Variants in ACSS1 observed in about 807,000 individuals in gnomAD.
ACSS1 encodes acyl-CoA synthetase short chain family member 1, also known as acetyl-coenzyme A synthetase 2-like, mitochondrial.
A neutral mutation model predicts 75.3 loss-of-function variants in ACSS1; 42 were observed. That is an observed-to-expected ratio of 0.56 (90% CI 0.44 to 0.72). The LOEUF (loss-of-function observed/expected upper bound fraction) is 0.72, where lower values mean the gene tolerates loss of function less well. ACSS1 is among the 30% of genes least tolerant of loss of function. The pLI is 0.00. For synonymous variants in ACSS1, 380 were observed against 376.8 expected (o/e 1.01, Z -0.10); for missense variants, 782 against 935.7 (o/e 0.84, Z 2.14).
At chr20:25,036,701 TC>T (rs1190080632) in intron 2 of ACSS1, among the ~76,000 whole-genome samples, 1 of 152,060 alleles carries the variant, frequency 6.6e-6, no homozygotes, top group African/African-American at 2.4e-5. Flanking sequence ...ACAGCTGTAA[TC>T]CCAGCATTTT....
chr20:25,045,959 T>C (rs1568848242), intron 2 of ACSS1: 1 of 152,216 alleles, frequency 6.6e-6, no homozygotes, highest in Non-Finnish European at 1.5e-5. Context: ...GGAGTCTGAC[T>C]CTGTCACCCA....
At chr20:25,030,035 G>C (rs988109425) in intron 3 of ACSS1, among the ~76,000 whole-genome samples, 29 of 152,196 alleles carry the variant, frequency 1.9e-4, no homozygotes, top group Non-Finnish European at 3.2e-4. Context: ...GGAAGCGGAA[G>C]GGCTTCCCAG....
At chr20:25,041,871 G>A (rs1460787675) in intron 2 of ACSS1, among the ~76,000 whole-genome samples, 2 of 152,218 alleles carry the variant, frequency 1.3e-5, no homozygotes, top group African/African-American at 2.4e-5. Flanking sequence ...AAAGGCCTTT[G>A]CACACTGGAG....
At chr20:25,040,627 A>G (rs192946636) in intron 2 of ACSS1, among the ~76,000 whole-genome samples, 3 of 152,366 alleles carry the variant, frequency 2.0e-5, no homozygotes, top group Admixed American at 2.0e-4. Context: ...GCCAGTGATC[A>G]TGGTGCAAAT....
At chr20:25,028,925 A>G (rs75056459) in intron 3 of ACSS1, among the ~76,000 whole-genome samples, 7 of 149,948 alleles carry the variant, frequency 4.7e-5, no homozygotes, top group Non-Finnish European at 8.9e-5. Flanking sequence ...TCTCAAAAAG[A>G]AAAAAAAAAG....
At position 25,057,932 on chromosome 20, in the gene ACSS1, C is replaced by T; in HGVS notation, c.171G>A (p.Ser57=). Residue 57 remains serine (S), a synonymous_variant, in exon 1 of 14, where the codon TCG becomes TCA. Coordinates refer to ENST00000323482, the MANE Select transcript of ACSS1 (RefSeq NM_032501.4). ...CTGCCTGTGCACTCAGCGCGGGATA[C>T]GAGCCTGGCTGTGCTGCTGCTGCTG... ...AVAAAAAQPG[S]YPALSAQAAR... is the part of the protein sequence containing the mutation. The T allele has an allele frequency of 6.2e-7, 1 of 1,608,358 alleles. No individual in the cohort carries two copies.
intron 2 of ACSS1, among the ~76,000 whole-genome samples, chr20:25,033,013 T>C (rs1434628354): frequency 1.3e-5 from 2 of 152,198 alleles, no homozygotes; most frequent in Admixed American, 6.5e-5. Flanking sequence ...CCAAGGTTTA[T>C]GATAAAAGAC....
intron 5 of ACSS1, among the ~76,000 whole-genome samples, chr20:25,022,226 T>C (rs1358194538): frequency 1.3e-5 from 2 of 151,986 alleles, no homozygotes; most frequent in Non-Finnish European, 2.9e-5. Context: ...CAGGGTGTGG[T>C]GGCAGGTGCC....
In ACSS1 at chr20:25,007,254, T is replaced by TGTTTCCTC. The variant is rs2088324321; in HGVS notation, c.*507_*508insGAGGAAAC. ...GTAGAGGCAAAAAAGGAGATTTTCA[T>TGTTTCCTC]AACTACATGTTAAAAAGAACATGTT... On this transcript the variant is annotated 3_prime_UTR_variant, in exon 14 of 14. Transcript: ENST00000323482. 1 of 1,140,646 alleles carries TGTTTCCTC rather than the reference T, an allele frequency of 8.8e-7. No homozygotes were observed. Among genetic ancestry groups the TGTTTCCTC allele is most frequent in the Non-Finnish European group, 1.1e-6 (1 of 927,170 alleles). The allele number at this position is 1,140,646 out of a possible 1,614,324, so 70.7% of individuals were successfully genotyped here.
intron 2 of ACSS1, among the ~76,000 whole-genome samples, chr20:25,031,342 G>A (rs2088820910): frequency 6.6e-6 from 1 of 152,166 alleles, no homozygotes; most frequent in South Asian, 2.1e-4. Flanking sequence ...GATGTTTACA[G>A]CTGACGAAGT....
chr20:25,038,618 T>G (rs575774486), intron 2 of ACSS1, among the ~76,000 whole-genome samples: 41 of 152,256 alleles, frequency 2.7e-4, no homozygotes, highest in African/African-American at 9.9e-4. Flanking sequence ...TCAGGGCACA[T>G]GCACCTCAGC....
intron 2 of ACSS1, among the ~76,000 whole-genome samples, chr20:25,045,435 G>A (rs1044999843): frequency 4.6e-5 from 7 of 152,232 alleles, no homozygotes; most frequent in African/African-American, 1.7e-4. Flanking sequence ...GTCACGGTGG[G>A]GACCAGAGTC....
At chr20:25,023,209 G>T in intron 4 of ACSS1, 117 bp from the exon 5 acceptor site, 3 of 1,335,244 alleles carry the variant, frequency 2.2e-6, no homozygotes, top group Non-Finnish European at 2.0e-6. Flanking sequence ...GCTCTGACCT[G>T]TCCAAGTTCA....
At chr20:25,046,442 C>G (rs910527) in intron 2 of ACSS1, 1 of 278,920 alleles carries the variant, frequency 3.6e-6, no homozygotes, top group Admixed American at 4.7e-5. Context: ...AGTGCTCCCA[C>G]GGGCAGCGTC....
intron 2 of ACSS1, among the ~76,000 whole-genome samples, chr20:25,031,752 C>T (rs932835659): frequency 1.1e-4 from 16 of 152,170 alleles, no homozygotes; most frequent in African/African-American, 3.9e-4. Context: ...CTTTTTCCAG[C>T]AGCAGCTTCT....
intron 2 of ACSS1, among the ~76,000 whole-genome samples, chr20:25,033,720 T>TGAA (rs904937210): frequency 2.6e-5 from 4 of 152,082 alleles, no homozygotes; most frequent in African/African-American, 4.8e-5. Context: ...ACGGCACATG[T>TGAA]GAAGGTGTGC....
At chr20:25,037,005 A>AAGGAAGGAAGGAAAGAAGGAAGG (rs1555853780) in intron 2 of ACSS1, among the ~76,000 whole-genome samples, 1 of 131,850 alleles carries the variant, frequency 7.6e-6, no homozygotes. Context: ...AAGAAGAAAG[A>AAGGAAGGAAGGAAAGAAGGAAGG]AAGGAAGGAA....
intron 1 of ACSS1, among the ~76,000 whole-genome samples, chr20:25,051,969 C>G (rs1427326956): frequency 1.3e-5 from 2 of 152,166 alleles, no homozygotes; most frequent in African/African-American, 4.8e-5. Flanking sequence ...AGAAGGCAAA[C>G]AGAACAACCC....
rs1333356768 is a variant in ACSS1 at position 25,036,984 on chromosome 20, A to G, written c.432-6026T>C. 6.1e-4 allele frequency among the ~76,000 whole-genome samples: 67 copies of G among 110,306 alleles called. 1 individual carries two copies. The highest frequency in any genetic ancestry group is 2.3e-3 in the African/African-American group (63 of 27,584). 72.4% of individuals were successfully genotyped at this position (110,306 alleles called of 152,430 possible). A position where few individuals can be genotyped will look rare whatever the true frequency, so the allele number is the denominator to read the frequency against. ...AAAAAAAGAAGAAGAAGAAAGAAAG[A>G]AAAAGAAAGAAAGAAGAAAGAAAGG... On this transcript the variant is annotated intron_variant, in intron 2 of 13. Coordinates refer to ENST00000323482, the MANE Select transcript of ACSS1 (RefSeq NM_032501.4).
Sources: allele counts gnomAD v4.1 joint callset (sites outside exome capture counted in the v4.1 genomes callset), GRCh38; gene constraint gnomAD v4.1.1; transcripts MANE v1.5; gene names NCBI Gene and HGNC (gene_info 2026-07-23, HGNC 2026-07-21).